Variants in HLTF observed in about 807,000 individuals in gnomAD.
HLTF encodes the protein helicase like transcription factor, also known as DNA-dependent ATPase/E3 ubiquitin-protein ligase HLTF.
A neutral mutation model predicts 129.4 loss-of-function variants in HLTF; 127 were observed. That is an observed-to-expected ratio of 0.98 (90% CI 0.85 to 1.14). The LOEUF is 1.14. Ranked by LOEUF, HLTF falls within the 50% of genes most tolerant of loss-of-function variation. The pLI is 0.00. For synonymous variants in HLTF, 332 were observed against 388.8 expected (o/e 0.85, Z 1.72); for missense variants, 1,139 against 1,187.1 (o/e 0.96, Z 0.60).
At chr3:149,055,034 G>T (rs1717304238) in intron 14 of HLTF, among the ~76,000 whole-genome samples, 1 of 152,088 alleles carries the variant, frequency 6.6e-6, no homozygotes. Context: ...CCACTTTGGG[G>T]GACAAAAATA....
chr3:149,060,731 AC>A, intron 11 of HLTF, 44 bp from the exon 12 acceptor site: 1 of 1,603,392 alleles, frequency 6.2e-7, no homozygotes, highest in Non-Finnish European at 8.5e-7. Context: ...GCAAAACAGG[AC>A]ATTAGAATAT....
chr3:149,073,686 A>G (rs1719070002), intron 4 of HLTF, among the ~76,000 whole-genome samples: 1 of 152,130 alleles, frequency 6.6e-6, no homozygotes, highest in Admixed American at 6.6e-5. Flanking sequence ...ACAGAGCAAG[A>G]CTCTGTCTCA....
chr3:149,051,862 T>A (rs1717027529), intron 14 of HLTF, among the ~76,000 whole-genome samples: 1 of 151,124 alleles, frequency 6.6e-6, no homozygotes, highest in South Asian at 2.1e-4. Context: ...GGAATGAGAT[T>A]CTTTCTTTAA....
At chr3:149,071,173 T>G in intron 7 of HLTF, 79 bp downstream of exon 7, 1 of 871,030 alleles carries the variant, frequency 1.1e-6, no homozygotes, top group Non-Finnish European at 1.7e-6. Context: ...TATTCCTATC[T>G]CTTTTTACTT....
chr3:149,051,506 G>A (rs968361006), intron 14 of HLTF, among the ~76,000 whole-genome samples: 19 of 152,132 alleles, frequency 1.2e-4, no homozygotes, highest in Non-Finnish European at 2.6e-4. Flanking sequence ...ACAGAATACC[G>A]GTATGTAAGG....
chr3:149,060,729 G>C, intron 11 of HLTF, 42 bp from the exon 12 acceptor site: 2 of 1,604,838 alleles, frequency 1.2e-6, no homozygotes, highest in Non-Finnish European at 1.7e-6. Context: ...GGGCAAAACA[G>C]GACATTAGAA....
chr3:149,050,870 T>C (rs1716922805), intron 14 of HLTF, among the ~76,000 whole-genome samples: 2 of 152,112 alleles, frequency 1.3e-5, no homozygotes, highest in Admixed American at 1.3e-4. Flanking sequence ...GAAGAACAAA[T>C]AATCATCCCT....
At chr3:149,043,129 G>C (rs904784272) in intron 18 of HLTF, among the ~76,000 whole-genome samples, 1 of 151,470 alleles carries the variant, frequency 6.6e-6, no homozygotes, top group African/African-American at 2.4e-5. Context: ...AAGACAAAGA[G>C]CTTTGAAAAA....
rs71135656 is a variant in HLTF, at chr3:149,036,297, G to GTTTTTTTT, written c.2797-1307_2797-1300dup. ...TTAAATTTTAAATTAAAACTATGAG[G>GTTTTTTTT]TTTTTTTTTTGAGATGGAGTCTCGC... is the stretch of plus-strand genomic sequence containing the variant. On this transcript the variant is annotated intron_variant, in intron 23 of 24. Coordinates refer to ENST00000310053, the MANE Select transcript of HLTF (RefSeq NM_003071.4). 6.5e-5 allele frequency among the ~76,000 whole-genome samples: 7 copies of GTTTTTTTT among 107,986 alleles called. 3 individuals carry two copies. The highest frequency in any genetic ancestry group is 7.1e-5 in the Non-Finnish European group (4 of 56,484). 70.8% of individuals were successfully genotyped at this position (107,986 alleles called of 152,430 possible). A position where few individuals can be genotyped will look rare whatever the true frequency, so the allele number is the denominator to read the frequency against.
In HLTF at chr3:149,073,222, C is replaced by T. The variant is rs1481766166; in HGVS notation, c.627+3G>A. On this transcript the variant is annotated splice_donor_region_variant and intron_variant, in intron 5 of 24. Coordinates refer to ENST00000310053, the MANE Select transcript of HLTF (RefSeq NM_003071.4). ...TAGATTACAAAATAAAAGAGAAGCACACCTGTTCAGTTGTCATCTGTACTG... is the reference window on the plus strand; with the variant it reads ...TAGATTACAAAATAAAAGAGAAGCATACCTGTTCAGTTGTCATCTGTACTG... 6.4e-7 allele frequency: 1 copy of T among 1,571,024 alleles called. No homozygotes were observed. The highest frequency in any genetic ancestry group is 1.2e-5 in the South Asian group (1 of 83,194).
intron 2 of HLTF, among the ~76,000 whole-genome samples, chr3:149,080,568 G>T (rs1022889644): frequency 6.6e-6 from 1 of 151,862 alleles, no homozygotes; most frequent in Admixed American, 6.6e-5. Flanking sequence ...TTTTTAAACC[G>T]GATTATGCAA....
In HLTF at chr3:149,030,639, C is replaced by A. The variant is rs926295279; in HGVS notation, c.*1581G>T. On this transcript the variant is annotated 3_prime_UTR_variant, in exon 25 of 25. Transcript: ENST00000310053. ...TCAACTTGATTTTTTGTGTGTAATG[C>A]TTGATCTACCAGGTAACTTCCCAAC... 1.3e-5 allele frequency: 2 copies of A among 152,142 alleles called. No individual in the cohort carries two copies. Among genetic ancestry groups the A allele is most frequent in the Non-Finnish European group, 2.9e-5 (2 of 68,012 alleles). 9.4% of individuals were successfully genotyped at this position (152,142 alleles called of 1,614,324 possible). A position where few individuals can be genotyped will look rare whatever the true frequency, so the allele number is the denominator to read the frequency against.
chr3:149,055,977 G>A (rs1440275327), intron 13 of HLTF, among the ~76,000 whole-genome samples: 2 of 152,202 alleles, frequency 1.3e-5, no homozygotes, highest in Non-Finnish European at 2.9e-5. Flanking sequence ...GGCCACTCAG[G>A]CAACTTATGG....
chr3:149,040,381 G>C, intron 20 of HLTF: 2 of 414,304 alleles, frequency 4.8e-6, no homozygotes, highest in South Asian at 6.5e-5. Context: ...ATGTGATCTG[G>C]ACTAGCTAGA....
intron 24 of HLTF, 25 bp from the exon 25 acceptor site, chr3:149,032,397 A>C (rs1449862046): frequency 1.4e-6 from 2 of 1,390,638 alleles, no homozygotes; most frequent in South Asian, 2.8e-5. Flanking sequence ...AAAAAAGTTA[A>C]GTAGTTTTTA....
At chr3:149,041,841 T>G in intron 19 of HLTF, 173 bp from the exon 20 acceptor site, 2 of 603,738 alleles carry the variant, frequency 3.3e-6, no homozygotes, top group Non-Finnish European at 2.9e-6. Flanking sequence ...GAAGCCAAAA[T>G]AGTAGCCAAC....
intron 3 of HLTF, 105 bp from the exon 4 acceptor site, chr3:149,074,453 A>C: frequency 9.2e-7 from 1 of 1,086,550 alleles, no homozygotes; most frequent in Non-Finnish European, 1.3e-6. Flanking sequence ...TTTTACATTG[A>C]AGTAAAGTAA....
At chr3:149,035,656 CAAAAAAAAAAAAA>C (rs59996160) in intron 23 of HLTF, among the ~76,000 whole-genome samples, 3 of 73,400 alleles carry the variant, frequency 4.1e-5, no homozygotes, top group Non-Finnish European at 7.3e-5. Context: ...GACTCCGTCT[CAAAAAAAAAAAAA>C]AAAAAAAAAA....
intron 18 of HLTF, among the ~76,000 whole-genome samples, 167 bp from the exon 19 acceptor site, chr3:149,042,457 C>T (rs764873252): frequency 1.3e-5 from 2 of 151,988 alleles, no homozygotes; most frequent in African/African-American, 4.8e-5. Flanking sequence ...AGATCTATAA[C>T]AATAAGGCAC....
Sources: gnomAD v4.1 joint callset for allele counts (sites outside exome capture counted in the v4.1 genomes callset) on GRCh38, gnomAD v4.1.1 for gene constraint, MANE v1.5 for transcripts, NCBI Gene and HGNC (gene_info 2026-07-23, HGNC 2026-07-21) for gene names.